Variants in AGPAT5 observed in about 807,000 individuals in gnomAD.
AGPAT5 encodes the protein 1-acylglycerol-3-phosphate O-acyltransferase 5.
Under a neutral mutation model 45.6 loss-of-function variants are expected in AGPAT5, and 46 were observed. That is an observed-to-expected ratio of 1.01 (90% confidence interval 0.80 to 1.29). The LOEUF is 1.29. Ranked by LOEUF, AGPAT5 falls within the 50% of genes most tolerant of loss-of-function variation. The pLI is 0.00. For missense variants in AGPAT5, 673 were observed against 450.7 expected, an observed-to-expected ratio of 1.49 and a Z score of -4.47; for synonymous variants, 272 against 167.0, an observed-to-expected ratio of 1.63 and a Z score of -4.85.
intron 6 of AGPAT5, among the ~76,000 whole-genome samples, chr8:6,752,579 G>A (rs573576270): frequency 1.4e-5 from 2 of 142,156 alleles, no homozygotes; most frequent in East Asian, 4.1e-4. Flanking sequence ...ATGGGGCTTG[G>A]TTTTGCAGCA....
At chr8:6,727,121 AG>A (rs1291276653) in intron 2 of AGPAT5, among the ~76,000 whole-genome samples, 1 of 152,194 alleles carries the variant, frequency 6.6e-6, no homozygotes, top group Non-Finnish European at 1.5e-5. Context: ...ATTAGCGGAA[AG>A]AATATTTCAA....
chr8:6,722,174 G>A (rs1363795670), intron 1 of AGPAT5, among the ~76,000 whole-genome samples: 1 of 152,094 alleles, frequency 6.6e-6, no homozygotes, highest in Non-Finnish European at 1.5e-5. Context: ...TCCTAATAAG[G>A]GACAGGGAAA....
At chr8:6,713,115 C>T (rs1164331903) in intron 1 of AGPAT5, among the ~76,000 whole-genome samples, 2 of 152,110 alleles carry the variant, frequency 1.3e-5, no homozygotes, top group Admixed American at 6.5e-5. Flanking sequence ...GAGTAGCTGC[C>T]GTGCCATTAT....
At position 6,745,664 on chromosome 8, in the gene AGPAT5, C is replaced by T. The variant is rs538403156; in HGVS notation, c.587-2006C>T. ...CTTTGTTTTTGTATTACATTGGTTT[C>T]CCCCCTTTTTTTATTTCCTGGGTTG... On this transcript the variant is annotated intron_variant, in intron 5 of 7. Transcript: ENST00000285518. The T allele has an allele frequency of 5.3e-5, 8 of 151,824 alleles. No homozygotes were observed. The South Asian group carries it at 6.3e-4, about 12-fold the overall frequency. The allele number at this position is 151,824 out of a possible 1,614,324, so 9.4% of individuals were successfully genotyped here.
At chr8:6,756,911 C>G (rs1424614420) in intron 7 of AGPAT5, among the ~76,000 whole-genome samples, 1 of 152,192 alleles carries the variant, frequency 6.6e-6, no homozygotes, top group Non-Finnish European at 1.5e-5. Flanking sequence ...AAAGCATCCT[C>G]ATAAAATGCC....
chr8:6,755,497 G>A (rs779303554), intron 7 of AGPAT5, among the ~76,000 whole-genome samples: 2 of 152,192 alleles, frequency 1.3e-5, no homozygotes, highest in Non-Finnish European at 2.9e-5. Context: ...CTACCTGTCA[G>A]GTCACATAAA....
At position 6,757,560 on chromosome 8, in the gene AGPAT5, A is replaced by G. The variant is rs1254117073; in HGVS notation, c.*172A>G. 6.7e-6 allele frequency: 4 copies of G among 598,216 alleles called. No homozygotes were observed. The East Asian group carries it at 8.5e-5, about 13-fold the overall frequency. The allele number at this position is 598,216 out of a possible 1,614,324, so 37.1% of individuals were successfully genotyped here. On this transcript the variant is annotated 3_prime_UTR_variant, in exon 8 of 8. Coordinates refer to ENST00000285518, the MANE Select transcript of AGPAT5 (RefSeq NM_018361.5). ...GCTGATATGCAATGGTCTTGGGCAA[A>G]CATACCTGGTTGTACAACTTTAGCA...
intron 1 of AGPAT5, among the ~76,000 whole-genome samples, chr8:6,718,548 G>C (rs576763687): frequency 3.3e-5 from 5 of 152,286 alleles, no homozygotes; most frequent in Non-Finnish European, 5.9e-5. Flanking sequence ...ATGATCAGTG[G>C]CAAGTTCTGT....
intron 1 of AGPAT5, among the ~76,000 whole-genome samples, chr8:6,718,252 A>G (rs1485721497): frequency 6.6e-6 from 1 of 152,238 alleles, no homozygotes; most frequent in East Asian, 1.9e-4. Context: ...TGGGTGGCAC[A>G]GGCCATGGCA....
chr8:6,732,631 A>G lies in AGPAT5; in HGVS notation c.476A>G (p.Tyr159Cys), dbSNP rs745984507. The change falls in exon 4 of 8, where the codon TAC becomes TGC. Residue 159 changes from tyrosine to cysteine, a missense_variant. Transcript: ENST00000285518. ...GAGATGCGAAACAAGTTGCAGAGCT[A>G]CGTGGACGCAGGAACTCCAGTAAGA... is the stretch of plus-strand genomic sequence containing the variant. ...EKEMRNKLQS[Y>C]VDAGTPMYLV... 2 of 1,610,666 alleles carry G rather than the reference A, an allele frequency of 1.2e-6. No individual in the cohort carries two copies. The highest frequency in any genetic ancestry group is 1.7e-5 in the Admixed American group (1 of 58,940).
intron 1 of AGPAT5, among the ~76,000 whole-genome samples, chr8:6,723,798 A>G (rs1800589155): frequency 6.6e-6 from 1 of 152,232 alleles, no homozygotes; most frequent in African/African-American, 2.4e-5. Flanking sequence ...TATGTTATCT[A>G]AGTGCATTTG....
rs1230257117 is a variant in AGPAT5, at chr8:6,758,095, T to C, written c.*707T>C. ...AGTTTAAAATTGTGACTCTGATTCA[T>C]TATAGCAGAACTTTAAATTTCCCAG... On this transcript the variant is annotated 3_prime_UTR_variant, in exon 8 of 8. Transcript: ENST00000285518. The C allele has an allele frequency of 1.3e-5, 2 of 152,262 alleles. No homozygotes were observed. The highest frequency in any genetic ancestry group is 2.4e-5 in the African/African-American group (1 of 41,470). The allele number at this position is 152,262 out of a possible 1,614,324, so 9.4% of individuals were successfully genotyped here.
At chr8:6,710,506 C>T (rs952571603) in intron 1 of AGPAT5, among the ~76,000 whole-genome samples, 23 of 152,130 alleles carry the variant, frequency 1.5e-4, no homozygotes, top group African/African-American at 5.3e-4. Flanking sequence ...AGTCGTAGAA[C>T]GAACTGATTG....
At chr8:6,718,555 C>T (rs150153267) in intron 1 of AGPAT5, among the ~76,000 whole-genome samples, 119 of 152,328 alleles carry the variant, frequency 7.8e-4, no homozygotes, top group African/African-American at 2.8e-3. Flanking sequence ...GTGGCAAGTT[C>T]TGTTAGATGT....
intron 4 of AGPAT5, chr8:6,738,657 C>T (rs563700600): frequency 1.3e-5 from 2 of 152,130 alleles, no homozygotes; most frequent in Non-Finnish European, 2.9e-5. Flanking sequence ...CTCAGTAAAG[C>T]GAAGCATGAT....
At position 6,730,889 on chromosome 8, in the gene AGPAT5, G is replaced by A. The variant is rs989696795; in HGVS notation, c.405+63G>A. 35 of 425,388 alleles carry A rather than the reference G, an allele frequency of 8.2e-5. No individual in the cohort carries two copies. In the East Asian group the frequency reaches 1.1e-3, roughly 13 times the overall value. The allele number at this position is 425,388 out of a possible 1,614,324, so 26.4% of individuals were successfully genotyped here. A position where few individuals can be genotyped will look rare whatever the true frequency, so the allele number is the denominator to read the frequency against. ...TTTATAAATTTTTTTTTTTTTTTTT[G>A]GAGACAGTCTCACTTTATTGCTCAG... is the stretch of plus-strand genomic sequence containing the variant. On this transcript the variant is annotated intron_variant, in intron 3 of 7. Coordinates refer to ENST00000285518, the MANE Select transcript of AGPAT5 (RefSeq NM_018361.5).
At chr8:6,709,100 C>T (rs1289818311) in intron 1 of AGPAT5, 2 of 626,538 alleles carry the variant, frequency 3.2e-6, no homozygotes, top group Non-Finnish European at 5.7e-6. Context: ...CGTCCTGAGG[C>T]TACGAGTGGG....
intron 5 of AGPAT5, among the ~76,000 whole-genome samples, chr8:6,743,331 T>C (rs932957730): frequency 1.3e-5 from 2 of 152,206 alleles, no homozygotes; most frequent in Non-Finnish European, 2.9e-5. Flanking sequence ...CCCCTCCATG[T>C]CTCTCTGCCT....
intron 4 of AGPAT5, among the ~76,000 whole-genome samples, chr8:6,740,222 T>C (rs1801201154): frequency 6.6e-6 from 1 of 152,076 alleles, no homozygotes; most frequent in African/African-American, 2.4e-5. Context: ...TATAAATGAC[T>C]GAGTTGAAAG....
Sources: allele counts gnomAD v4.1 joint callset (sites outside exome capture counted in the v4.1 genomes callset), GRCh38; gene constraint gnomAD v4.1.1; transcripts MANE v1.5; gene names NCBI Gene and HGNC (gene_info 2026-07-23, HGNC 2026-07-21).